CCDC148: variants seen among roughly 807,000 people sequenced by gnomAD.
CCDC148 encodes the protein coiled-coil domain containing 148, also known as coiled-coil domain-containing protein 148.
In CCDC148, 89 loss-of-function variants were observed where a neutral mutation model predicts 85.7. The ratio of observed to expected loss-of-function variants is 1.04; its 90% CI spans 0.87 to 1.24. The LOEUF is 1.24. CCDC148 is among the 50% of genes most tolerant of loss of function. CCDC148 has a pLI of 0.00. For missense variants in CCDC148, 692 were observed against 671.7 expected, an observed-to-expected ratio of 1.03 and a Z score of -0.33; for synonymous variants, 230 against 213.9, an observed-to-expected ratio of 1.08 and a Z score of -0.66.
rs761447262 is a variant in CCDC148 at position 158,220,704 on chromosome 2, A to AT, written c.1260dup (p.Tyr421IlefsTer29). The AT allele has an allele frequency of 3.2e-6, 5 of 1,576,342 alleles. No individual in the cohort carries two copies. Among genetic ancestry groups the AT allele is most frequent in the African/African-American group, 1.4e-5 (1 of 72,236 alleles). Reference sequence around the variant, plus strand: ...CACTTCTGTTTTTTCTTGGCCCAGTATTTTTTTATCTATTGTATAAATGTT... The same window carrying AT: ...CACTTCTGTTTTTTCTTGGCCCAGTATTTTTTTTATCTATTGTATAAATGTT... On this transcript the variant is annotated frameshift_variant, in exon 11 of 14. Coordinates refer to ENST00000283233, the MANE Select transcript of CCDC148 (RefSeq NM_138803.4). LOFTEE classifies it high-confidence loss of function.
intron 9 of CCDC148, among the ~76,000 whole-genome samples, chr2:158,298,811 C>T (rs1691313110): frequency 2.0e-5 from 3 of 152,204 alleles, no homozygotes; most frequent in African/African-American, 7.2e-5. Context: ...TCATAATTAT[C>T]TTGAGGTTCT....
chr2:158,303,939 A>G (rs573315575), intron 9 of CCDC148, among the ~76,000 whole-genome samples: 25 of 152,302 alleles, frequency 1.6e-4, no homozygotes, highest in African/African-American at 6.0e-4. Flanking sequence ...TGGATAGGAG[A>G]CACTCAGTAA....
intron 2 of CCDC148, among the ~76,000 whole-genome samples, chr2:158,357,368 G>T (rs13399899): frequency 0.36 from 53,901 of 151,748 alleles, 9,916 homozygotes; most frequent in African/African-American, 0.45. Context: ...AAATATTTAT[G>T]GGCTTGAACA....
intron 10 of CCDC148, among the ~76,000 whole-genome samples, chr2:158,250,339 G>C (rs1313429468): frequency 6.6e-6 from 1 of 151,860 alleles, no homozygotes; most frequent in Non-Finnish European, 1.5e-5. Flanking sequence ...AGGGCATTTT[G>C]ACTTTCCATG....
intron 1 of CCDC148, among the ~76,000 whole-genome samples, chr2:158,399,122 A>C (rs561257069): frequency 6.6e-6 from 1 of 152,262 alleles, no homozygotes; most frequent in East Asian, 1.9e-4. Context: ...TCTGAAATTG[A>C]GGCAATAGTT....
At chr2:158,326,880 A>G (rs1408702017) in intron 7 of CCDC148, among the ~76,000 whole-genome samples, 1 of 152,024 alleles carries the variant, frequency 6.6e-6, no homozygotes, top group Non-Finnish European at 1.5e-5. Flanking sequence ...ATATAAAAAT[A>G]TATATGTTTG....
chr2:158,262,919 T>A (rs1327182396), intron 9 of CCDC148, among the ~76,000 whole-genome samples: 6 of 152,122 alleles, frequency 3.9e-5, no homozygotes, highest in African/African-American at 1.4e-4. Flanking sequence ...TTGGCAATCA[T>A]ATACTTGTCT....
chr2:158,184,790 G>C (rs747682228), intron 11 of CCDC148, among the ~76,000 whole-genome samples: 9 of 152,120 alleles, frequency 5.9e-5, no homozygotes, highest in Admixed American at 1.3e-4. Flanking sequence ...ATTCTCAAAT[G>C]AGCGTACATC....
chr2:158,403,789 G>A (rs1685889736), intron 1 of CCDC148, among the ~76,000 whole-genome samples: 1 of 152,052 alleles, frequency 6.6e-6, no homozygotes, highest in South Asian at 2.1e-4. Flanking sequence ...GTTGACAGAT[G>A]AATGGGCTGA....
chr2:158,394,685 A>T (rs1685451264), intron 1 of CCDC148, among the ~76,000 whole-genome samples: 1 of 151,936 alleles, frequency 6.6e-6, no homozygotes, highest in Non-Finnish European at 1.5e-5. Context: ...AGACCAACTA[A>T]AACTTGGAGA....
At chr2:158,309,120 T>A (rs899747822) in intron 9 of CCDC148, among the ~76,000 whole-genome samples, 10 of 152,230 alleles carry the variant, frequency 6.6e-5, no homozygotes, top group Non-Finnish European at 1.3e-4. Context: ...AGTAACTTTA[T>A]CATTACACTT....
Position 158,419,761 on chromosome 2 carries a change from C to T in CCDC148, c.25+36654G>A, listed in dbSNP as rs184613312. 2.0e-5 allele frequency among the ~76,000 whole-genome samples: 3 copies of T among 152,180 alleles called. No homozygotes were observed. The East Asian group carries it at 5.8e-4, about 29-fold the overall frequency. On this transcript the variant is annotated intron_variant, in intron 1 of 13. Transcript: ENST00000283233. The stretch of plus-strand genomic sequence containing the variant: ...AGATGTCAGAACTACCTCTACAAGC[C>T]CATTTCCCTCATTAGAAACTGGATA...
intron 11 of CCDC148, among the ~76,000 whole-genome samples, chr2:158,182,615 A>G (rs892265041): frequency 4.4e-4 from 67 of 152,250 alleles, no homozygotes; most frequent in African/African-American, 1.6e-3. Flanking sequence ...AGCCGACCAC[A>G]GTTGCATTGG....
intron 1 of CCDC148, among the ~76,000 whole-genome samples, chr2:158,386,404 T>C (rs779431987): frequency 6.6e-6 from 1 of 152,166 alleles, no homozygotes; most frequent in Non-Finnish European, 1.5e-5. Flanking sequence ...ATTAGTCTAC[T>C]TTAACACCTA....
Position 158,338,408 on chromosome 2 carries a change from G to A in CCDC148, c.764+318C>T, listed in dbSNP as rs1030820194. On this transcript the variant is annotated intron_variant, in intron 7 of 13. Transcript: ENST00000283233. ...CCATTGTATCAATTACTGCAGAGCA[G>A]CTTCACATCTTGAAAAGAAAAGTTG... is the stretch of plus-strand genomic sequence containing the variant. Among the ~76,000 whole-genome samples the A allele has an allele frequency of 1.4e-4, 21 of 152,228 alleles. No homozygotes were observed. In the Middle Eastern group the frequency reaches 0.014, roughly 99 times the overall value.
intron 7 of CCDC148, among the ~76,000 whole-genome samples, chr2:158,337,888 A>C (rs1053417775): frequency 4.6e-5 from 7 of 152,238 alleles, no homozygotes; most frequent in Non-Finnish European, 1.0e-4. Context: ...AATTCATAAG[A>C]AATATAAATA....
chr2:158,270,521 A>G (rs994694935), intron 9 of CCDC148, among the ~76,000 whole-genome samples: 6 of 152,200 alleles, frequency 3.9e-5, no homozygotes, highest in African/African-American at 1.4e-4. Flanking sequence ...AATCCTACAC[A>G]TAAGAAATGT....
intron 10 of CCDC148, among the ~76,000 whole-genome samples, chr2:158,246,987 C>T (rs1688594954): frequency 6.6e-6 from 1 of 152,116 alleles, no homozygotes; most frequent in Non-Finnish European, 1.5e-5. Flanking sequence ...TGAAGAGAAG[C>T]ATAATTCATA....
At position 158,396,555 on chromosome 2, in the gene CCDC148, G is replaced by A. The variant is rs568378676; in HGVS notation, c.26-37985C>T. ...AATGTATTCCAGAATGTGGAACAGT[G>A]TACTCAGGTTCTGAAATTAAACCTG... is the stretch of plus-strand genomic sequence containing the variant. On this transcript the variant is annotated intron_variant, in intron 1 of 13. Coordinates refer to ENST00000283233, the MANE Select transcript of CCDC148 (RefSeq NM_138803.4). Among the ~76,000 whole-genome samples the A allele has an allele frequency of 1.4e-4, 22 of 152,160 alleles. No individual in the cohort carries two copies. In the East Asian group the frequency reaches 3.1e-3, roughly 21 times the overall value.
Sources: allele counts gnomAD v4.1 joint callset (sites outside exome capture counted in the v4.1 genomes callset), GRCh38; gene constraint gnomAD v4.1.1; transcripts MANE v1.5; gene names NCBI Gene and HGNC (gene_info 2026-07-23, HGNC 2026-07-21).